ABCA10: variants seen among roughly 807,000 people sequenced by gnomAD.
The protein encoded by ABCA10 is ATP-binding cassette sub-family A member 10.
In ABCA10, 169 loss-of-function variants were observed where a neutral mutation model predicts 187.5. The observed-to-expected ratio is 0.90, with a 90% CI of 0.80 to 1.02. The LOEUF (loss-of-function observed/expected upper bound fraction) is 1.02. Among genes scored for constraint, ABCA10 ranks in the 50% least tolerant of loss-of-function variants. The probability of loss-of-function intolerance (pLI) is 0.00; values close to 1 mark genes in which losing one functional copy is unlikely to be tolerated. For missense variants in ABCA10, 1,727 were observed against 1,812.4 expected, an observed-to-expected ratio of 0.95 and a Z score of 0.86; for synonymous variants, 574 against 601.8, an observed-to-expected ratio of 0.95 and a Z score of 0.68.
intron 1 of ABCA10, among the ~76,000 whole-genome samples, chr17:69,235,533 G>A (rs139025184): frequency 6.6e-6 from 1 of 152,214 alleles, no homozygotes; most frequent in Non-Finnish European, 1.5e-5. Context: ...TGGCTTCTTA[G>A]TTCATTCAGT....
chr17:69,182,491 A>G (rs2074387394), intron 21 of ABCA10, among the ~76,000 whole-genome samples, 184 bp downstream of exon 21: 1 of 152,180 alleles, frequency 6.6e-6, no homozygotes, highest in South Asian at 2.1e-4. Context: ...AAATGGATTA[A>G]CATTTACTAA....
rs761817857 is a variant in ABCA10 at position 69,182,209 on chromosome 17, T to C, written c.2713A>G (p.Met905Val). 3.7e-6 allele frequency: 6 copies of C among 1,601,076 alleles called. No homozygotes were observed. Among genetic ancestry groups the C allele is most frequent in the Non-Finnish European group, 5.1e-6 (6 of 1,173,230 alleles). The change falls in exon 22 of 39, where the codon ATG (methionine) becomes GTG (valine). Residue 905 changes from methionine (M) to valine (V), a missense_variant. Physicochemically the swap from Met to Val is conservative, Grantham distance 21. Coordinates refer to ENST00000690296, the MANE Select transcript of ABCA10 (RefSeq NM_001377321.1). ...VLMGIVSNAL[M>V]GIFNFTELIQ... ...AGCTCCGTGAAGTTAAAAATTCCCA[T>C]AAGGGCATTGCTAACAATTCCCATA...
chr17:69,220,586 A>T (rs146558580), intron 5 of ABCA10, among the ~76,000 whole-genome samples: 16 of 152,304 alleles, frequency 1.1e-4, no homozygotes, highest in African/African-American at 3.6e-4. Flanking sequence ...TCACTGAGAT[A>T]GGGAAAATTT....
intron 9 of ABCA10, among the ~76,000 whole-genome samples, chr17:69,214,348 T>C (rs1427609674): frequency 6.6e-6 from 1 of 151,816 alleles, no homozygotes; most frequent in Non-Finnish European, 1.5e-5. Flanking sequence ...ACCCCGTCTC[T>C]ACTAAAAATA....
intron 5 of ABCA10, among the ~76,000 whole-genome samples, chr17:69,221,587 G>A (rs1009385523): frequency 1.3e-5 from 2 of 152,204 alleles, no homozygotes; most frequent in Admixed American, 1.3e-4. Flanking sequence ...AAGAGAATGT[G>A]TGTAGGGGGT....
chr17:69,197,265 C>CTTACAT, intron 10 of ABCA10, 143 bp from the exon 11 acceptor site: 1 of 576,170 alleles, frequency 1.7e-6, no homozygotes. Flanking sequence ...AAAAGCCCTC[C>CTTACAT]CCTGACCACT....
chr17:69,187,950 G>A, intron 18 of ABCA10, 71 bp from the exon 19 acceptor site: 2 of 1,395,384 alleles, frequency 1.4e-6, no homozygotes, highest in South Asian at 1.3e-5. Context: ...CTTTGAAAAT[G>A]ATGTTAGACT....
At chr17:69,238,473 A>T (rs1431857529) in intron 1 of ABCA10, among the ~76,000 whole-genome samples, 1 of 152,180 alleles carries the variant, frequency 6.6e-6, no homozygotes, top group Non-Finnish European at 1.5e-5. Context: ...TAGAGACATG[A>T]CAGATAGGTC....
At chr17:69,162,457 G>A (rs2074224316) in intron 27 of ABCA10, among the ~76,000 whole-genome samples, 1 of 152,102 alleles carries the variant, frequency 6.6e-6, no homozygotes. Flanking sequence ...TTTTGAGAAA[G>A]TTAGACAAAC....
rs757921337 is a variant in ABCA10, at chr17:69,149,073, T to A, written c.4493A>T (p.Asn1498Ile). 1 of 1,613,966 alleles carries A rather than the reference T, an allele frequency of 6.2e-7. No individual in the cohort carries two copies. Among genetic ancestry groups the A allele is most frequent in the South Asian group, 1.1e-5 (1 of 91,070 alleles). The part of the protein sequence containing the change: ...FKLEAMKQTF[N>I]LEEYSLSQAT... ...CTGAGAGAGGCTGTATTCCTCCAGG[T>A]TGAAGGTCTGTTTCACTGCATGTAA... The change falls in exon 38 of 39, where the codon AAC becomes ATC. Residue 1498 changes from asparagine (N) to isoleucine (I), a missense_variant. Asn to Ile is a moderately radical substitution (Grantham distance 149). Coordinates refer to ENST00000690296, the MANE Select transcript of ABCA10 (RefSeq NM_001377321.1).
intron 9 of ABCA10, among the ~76,000 whole-genome samples, chr17:69,211,338 T>TACATC (rs2074653842): frequency 8.8e-6 from 1 of 114,144 alleles, no homozygotes; most frequent in Non-Finnish European, 1.7e-5. Flanking sequence ...TATATATATA[T>TACATC]ATATATATAT....
In ABCA10 at chr17:69,194,471, CCTT is replaced by C; in HGVS notation, c.1256_1258del (p.Glu419del). The C allele has an allele frequency of 1.2e-6, 2 of 1,608,886 alleles. No homozygotes were observed. Among genetic ancestry groups the C allele is most frequent in the Non-Finnish European group, 1.7e-6 (2 of 1,177,836 alleles). ...ATGCCCAAGTATTGCAGTGATCTGT[CCTT>C]CATATATGTCAAAAAATATGCCTGT... On this transcript the variant is annotated inframe_deletion, in exon 12 of 39. Transcript: ENST00000690296.
intron 10 of ABCA10, among the ~76,000 whole-genome samples, chr17:69,199,859 A>G (rs2144814793): frequency 6.6e-6 from 1 of 152,368 alleles, no homozygotes; most frequent in East Asian, 1.9e-4. Flanking sequence ...TTCTGTTGTC[A>G]ACGTAATTTC....
intron 1 of ABCA10, among the ~76,000 whole-genome samples, chr17:69,241,545 C>T (rs2074903390): frequency 6.6e-6 from 1 of 152,124 alleles, no homozygotes; most frequent in South Asian, 2.1e-4. Context: ...CACTAGTGTC[C>T]CCCTTAATCA....
intron 10 of ABCA10, among the ~76,000 whole-genome samples, chr17:69,198,975 T>G (rs1448283240): frequency 6.6e-6 from 1 of 152,220 alleles, no homozygotes; most frequent in Non-Finnish European, 1.5e-5. Context: ...TCAGATTTGG[T>G]GCCTACCTCT....
Position 69,193,522 on chromosome 17 carries a change from G to C in ABCA10, c.1612C>G (p.Leu538Val), listed in dbSNP as rs1373871740. ...GGATCTCCTAAGATGGCAATCCCTAGTGTTAGTTTTCTCTTCTGCCCACCA... is the reference window on the plus strand; with the variant it reads ...GGATCTCCTAAGATGGCAATCCCTACTGTTAGTTTTCTCTTCTGCCCACCA... Reference protein sequence around the residue: ...LSGGQKRKLTLGIAILGDPQV... With the variant: ...LSGGQKRKLTVGIAILGDPQV... Residue 538 changes from leucine (L) to valine (V), a missense_variant, in exon 14 of 39, where the codon CTA becomes GTA. Leu to Val is a conservative substitution (Grantham distance 32). Transcript: ENST00000690296. 2.5e-6 allele frequency: 4 copies of C among 1,613,498 alleles called. 1 individual carries two copies. The Middle Eastern group carries it at 6.6e-4, about 266-fold the overall frequency.
At chr17:69,231,344 T>G (rs2074830674), upstream of ABCA10, among the ~76,000 whole-genome samples, 1 of 152,198 alleles carries the variant, frequency 6.6e-6, no homozygotes, top group Admixed American at 6.6e-5. Flanking sequence ...TATTCTAGTT[T>G]CTTGAGTTGC....
chr17:69,227,277 G>C lies in ABCA10; in HGVS notation c.-304C>G, dbSNP rs943667485. On this transcript the variant is annotated 5_prime_UTR_variant, in exon 2 of 39. Transcript: ENST00000690296. ...TTAACAGGGTAAAGTAAATATTGCAGAGCAATAGCTAGGGGAAAAAAGAAA... is the reference window on the plus strand; with the variant it reads ...TTAACAGGGTAAAGTAAATATTGCACAGCAATAGCTAGGGGAAAAAAGAAA... 1 of 150,360 alleles carries C rather than the reference G, an allele frequency of 6.7e-6. No homozygotes were observed. The highest frequency in any genetic ancestry group is 1.5e-5 in the Non-Finnish European group (1 of 67,400). 9.3% of individuals were successfully genotyped at this position (150,360 alleles called of 1,614,324 possible). A position where few individuals can be genotyped will look rare whatever the true frequency, so the allele number is the denominator to read the frequency against.
chr17:69,183,910 G>T (rs1338759310), intron 20 of ABCA10, among the ~76,000 whole-genome samples: 1 of 152,134 alleles, frequency 6.6e-6, no homozygotes, highest in Non-Finnish European at 1.5e-5. Flanking sequence ...AGAAGCCATG[G>T]CAGGGGGAAG....
Sources: allele counts gnomAD v4.1 joint callset (sites outside exome capture counted in the v4.1 genomes callset), GRCh38; gene constraint gnomAD v4.1.1; transcripts MANE v1.5; gene names NCBI Gene and HGNC (gene_info 2026-07-23, HGNC 2026-07-21).